LRRIQ3: variants seen among roughly 807,000 people sequenced by gnomAD.
LRRIQ3 encodes leucine-rich repeat and IQ domain-containing protein 3.
In LRRIQ3, 75 loss-of-function variants were observed where a neutral mutation model predicts 59.3. That is an observed-to-expected ratio of 1.26 (90% CI 1.05 to 1.53). The LOEUF is 1.53. LRRIQ3 is among the 40% of genes most tolerant of loss of function. LRRIQ3 has a pLI of 0.00. For synonymous variants in LRRIQ3, 250 were observed against 231.3 expected, an observed-to-expected ratio of 1.08 and a Z score of -0.73; for missense variants, 831 against 710.0, an observed-to-expected ratio of 1.17 and a Z score of -1.94.
At chr1:74,077,278 T>A (rs1646219961) in intron 5 of LRRIQ3, among the ~76,000 whole-genome samples, 1 of 152,006 alleles carries the variant, frequency 6.6e-6, no homozygotes, top group Non-Finnish European at 1.5e-5. Flanking sequence ...CTCCTAACGA[T>A]GCAATTCATC....
intron 6 of LRRIQ3, among the ~76,000 whole-genome samples, chr1:74,053,931 T>C (rs1654447513): frequency 6.6e-6 from 1 of 152,118 alleles, no homozygotes; most frequent in Admixed American, 6.6e-5. Context: ...TGCAAAATGG[T>C]ACCACCACTT....
chr1:74,131,365 A>T (rs1000435201), intron 4 of LRRIQ3, among the ~76,000 whole-genome samples: 1 of 152,142 alleles, frequency 6.6e-6, no homozygotes, highest in Non-Finnish European at 1.5e-5. Flanking sequence ...ATCCTCCCTA[A>T]CTCATCCTAT....
Position 74,026,724 on chromosome 1 carries a change from T to C in LRRIQ3, c.*89A>G. On this transcript the variant is annotated 3_prime_UTR_variant, in exon 8 of 8. Coordinates refer to ENST00000354431, the MANE Select transcript of LRRIQ3 (RefSeq NM_001105659.2). ...AAATCCATCTTGTGATGTAGAGTATTTCTTGCTTTAGAGTATTATTTCAAA... is the reference window on the plus strand; with the variant it reads ...AAATCCATCTTGTGATGTAGAGTATCTCTTGCTTTAGAGTATTATTTCAAA... 9.8e-7 allele frequency: 1 copy of C among 1,016,636 alleles called. No homozygotes were observed. The highest frequency in any genetic ancestry group is 1.4e-6 in the Non-Finnish European group (1 of 694,624). 63.0% of individuals were successfully genotyped at this position (1,016,636 alleles called of 1,614,324 possible). A position where few individuals can be genotyped will look rare whatever the true frequency, so the allele number is the denominator to read the frequency against.
intron 4 of LRRIQ3, among the ~76,000 whole-genome samples, chr1:74,152,767 G>C (rs1648070879): frequency 6.6e-6 from 1 of 152,100 alleles, no homozygotes; most frequent in Admixed American, 6.5e-5. Flanking sequence ...AGAGCTGTTT[G>C]GAAAAGCTGA....
chr1:74,124,528 AT>A (rs1222652550), intron 4 of LRRIQ3, among the ~76,000 whole-genome samples: 1 of 151,816 alleles, frequency 6.6e-6, no homozygotes, highest in Non-Finnish European at 1.5e-5. Context: ...TTTTGATGTG[AT>A]TTTTCTATAT....
At chr1:74,097,422 CG>C (rs1557613018) in intron 5 of LRRIQ3, among the ~76,000 whole-genome samples, 2 of 152,230 alleles carry the variant, frequency 1.3e-5, no homozygotes, top group South Asian at 2.1e-4. Flanking sequence ...ACCAAATCTA[CG>C]TCTCATTGGT....
intron 5 of LRRIQ3, among the ~76,000 whole-genome samples, chr1:74,100,018 A>G (rs1212416670): frequency 1.3e-5 from 2 of 152,112 alleles, no homozygotes; most frequent in African/African-American, 2.4e-5. Context: ...GCCCTCTCTC[A>G]CCACTCCTAT....
At chr1:74,123,220 C>T (rs1266105301) in intron 4 of LRRIQ3, among the ~76,000 whole-genome samples, 1 of 151,898 alleles carries the variant, frequency 6.6e-6, no homozygotes, top group Non-Finnish European at 1.5e-5. Context: ...TATTTTGATA[C>T]AGGCCTATAA....
intron 3 of LRRIQ3, among the ~76,000 whole-genome samples, chr1:74,172,486 C>T (rs1557652589): frequency 1.3e-5 from 2 of 152,024 alleles, no homozygotes; most frequent in East Asian, 3.9e-4. Context: ...TTTCTTAATA[C>T]TTATATGTGA....
At chr1:74,170,130 C>T (rs1189931430) in intron 3 of LRRIQ3, among the ~76,000 whole-genome samples, 2 of 152,012 alleles carry the variant, frequency 1.3e-5, no homozygotes, top group Non-Finnish European at 2.9e-5. Flanking sequence ...TATAAGTTGC[C>T]ATTTCACTCT....
At chr1:74,117,788 A>G (rs930246843) in intron 4 of LRRIQ3, among the ~76,000 whole-genome samples, 4 of 152,300 alleles carry the variant, frequency 2.6e-5, no homozygotes, top group Non-Finnish European at 5.9e-5. Context: ...AATACACCAT[A>G]TAACTAGCAA....
At chr1:74,059,392 G>C (rs2100438640) in intron 6 of LRRIQ3, among the ~76,000 whole-genome samples, 2 of 151,096 alleles carry the variant, frequency 1.3e-5, no homozygotes, top group Admixed American at 1.3e-4. Flanking sequence ...TTAGATCTAT[G>C]ATCCATTTAA....
At chr1:74,144,489 T>TC (rs1256910638) in intron 4 of LRRIQ3, 1 of 349,390 alleles carries the variant, frequency 2.9e-6, no homozygotes, top group Admixed American at 4.1e-5. Flanking sequence ...GTTTTTTTTT[T>TC]CTCGCTTTCT....
intron 4 of LRRIQ3, among the ~76,000 whole-genome samples, chr1:74,131,650 A>C (rs1647021858): frequency 6.6e-6 from 1 of 152,190 alleles, no homozygotes; most frequent in Non-Finnish European, 1.5e-5. Flanking sequence ...ACAGATGCAG[A>C]AAAGGCCTTT....
intron 3 of LRRIQ3, among the ~76,000 whole-genome samples, chr1:74,172,008 CTG>C (rs1483163189): frequency 6.6e-6 from 1 of 151,704 alleles, no homozygotes; most frequent in African/African-American, 2.4e-5. Flanking sequence ...TTCTTTTTTT[CTG>C]TGTTATTATT....
chr1:74,129,174 C>A (rs889091841), intron 4 of LRRIQ3, among the ~76,000 whole-genome samples: 1 of 152,040 alleles, frequency 6.6e-6, no homozygotes, highest in Non-Finnish European at 1.5e-5. Context: ...GCCAGCCAGG[C>A]TTGTTTTCTT....
chr1:74,048,172 T>A (rs1056521068), intron 6 of LRRIQ3, among the ~76,000 whole-genome samples: 1 of 152,148 alleles, frequency 6.6e-6, no homozygotes, highest in Non-Finnish European at 1.5e-5. Flanking sequence ...ACAAAGGAAG[T>A]TCCCTCTCCT....
intron 6 of LRRIQ3, among the ~76,000 whole-genome samples, chr1:74,060,390 ATCT>A (rs1030502195): frequency 1.4e-4 from 18 of 130,224 alleles, no homozygotes; most frequent in Admixed American, 6.6e-4. Flanking sequence ...CCTCCTCCTC[ATCT>A]TCTTCTTTTC....
At chr1:74,101,906 T>C (rs1646538954) in intron 5 of LRRIQ3, among the ~76,000 whole-genome samples, 3 of 151,976 alleles carry the variant, frequency 2.0e-5, no homozygotes, top group Admixed American at 2.0e-4. Context: ...CTGGGGCCTG[T>C]CATATGGTGG....
Sources: allele counts gnomAD v4.1 joint callset (sites outside exome capture counted in the v4.1 genomes callset), GRCh38; gene constraint gnomAD v4.1.1; transcripts MANE v1.5; gene names NCBI Gene and HGNC (gene_info 2026-07-23, HGNC 2026-07-21).